STX5: variants seen among roughly 807,000 people sequenced by gnomAD.
STX5 encodes syntaxin 5, also known as syntaxin-5.
In STX5, 15 loss-of-function variants were observed where a neutral mutation model predicts 42.9. That is an observed-to-expected ratio of 0.35 (90% CI 0.23 to 0.54). The LOEUF is 0.54. STX5 is among the 20% of genes least tolerant of loss of function. The pLI is 0.91. For missense variants in STX5, 430 were observed against 455.0 expected (o/e 0.95, Z 0.50); for synonymous variants, 184 against 173.2 (o/e 1.06, Z -0.49).
intron 10 of STX5, among the ~76,000 whole-genome samples, chr11:62,817,550 A>C (rs962411590): frequency 2.0e-5 from 3 of 152,232 alleles, no homozygotes; most frequent in African/African-American, 7.2e-5. Context: ...TAAAATCCTC[A>C]ATTAGTAGAT....
intron 2 of STX5, 107 bp from the exon 3 acceptor site, chr11:62,827,738 CA>C: frequency 8.7e-7 from 1 of 1,143,460 alleles, no homozygotes; most frequent in Non-Finnish European, 1.3e-6. Context: ...TGGTGGCATC[CA>C]TCAGATGATC....
At chr11:62,819,586 C>T (rs1457527101) in intron 10 of STX5, among the ~76,000 whole-genome samples, 1 of 151,898 alleles carries the variant, frequency 6.6e-6, no homozygotes. Flanking sequence ...GGCCCAATCT[C>T]TGCTCACTGC....
At position 62,809,665 on chromosome 11, in the gene STX5, C is replaced by T. The variant is rs573518794; in HGVS notation, c.909-2037G>A. Among the ~76,000 whole-genome samples the T allele has an allele frequency of 5.7e-5, 5 of 87,766 alleles. No individual in the cohort carries two copies. The South Asian group carries it at 2.0e-3, about 36-fold the overall frequency. The allele number at this position is 87,766 out of a possible 152,430, so 57.6% of individuals were successfully genotyped here. On this transcript the variant is annotated intron_variant, in intron 10 of 10. Coordinates refer to ENST00000294179, the MANE Select transcript of STX5 (RefSeq NM_003164.5). ...CTCCAGCCTGGGAAACAGAGCAAGA[C>T]TCTGTCTCAAAAAAAAAAAAAAAAA...
intron 10 of STX5, among the ~76,000 whole-genome samples, chr11:62,812,238 T>C (rs1413341224): frequency 6.8e-6 from 1 of 146,490 alleles, no homozygotes; most frequent in East Asian, 2.1e-4. Flanking sequence ...CCACCATGCC[T>C]GGCTAATTTT....
At chr11:62,819,219 TGAAAAAAA>T (rs1565210961) in intron 10 of STX5, among the ~76,000 whole-genome samples, 1 of 21,720 alleles carries the variant, frequency 4.6e-5, no homozygotes, top group Admixed American at 9.1e-4. Context: ...AGACTCTGTC[TGAAAAAAA>T]AAAAAAAAAA....
At position 62,807,080 on chromosome 11, in the gene STX5, C is replaced by G. The variant is rs1316757248; in HGVS notation, c.*389G>C. ...AAATTGGTCCCTGGGGCTGCTTCCT[C>G]TCTTCACTCACAGGAAGGTGGGTAA... is the stretch of plus-strand genomic sequence containing the variant. On this transcript the variant is annotated 3_prime_UTR_variant, in exon 11 of 11. Coordinates refer to ENST00000294179, the MANE Select transcript of STX5 (RefSeq NM_003164.5). The G allele has an allele frequency of 6.1e-6, 1 of 165,134 alleles. No individual in the cohort carries two copies. Among genetic ancestry groups the G allele is most frequent in the Non-Finnish European group, 1.3e-5 (1 of 74,790 alleles). 10.2% of individuals were successfully genotyped at this position (165,134 alleles called of 1,614,324 possible). A position where few individuals can be genotyped will look rare whatever the true frequency, so the allele number is the denominator to read the frequency against.
At chr11:62,828,746 T>TAA (rs141988478) in intron 2 of STX5, among the ~76,000 whole-genome samples, 1 of 147,166 alleles carries the variant, frequency 6.8e-6, no homozygotes, top group Non-Finnish European at 1.5e-5. Flanking sequence ...AATAAATAAA[T>TAA]AAACAAACAA....
At chr11:62,825,897 G>A (rs1185757668) in intron 5 of STX5, among the ~76,000 whole-genome samples, 3 of 152,104 alleles carry the variant, frequency 2.0e-5, no homozygotes, top group East Asian at 1.9e-4. Flanking sequence ...CAAAGCCCCC[G>A]GACAGTACTC....
intron 10 of STX5, among the ~76,000 whole-genome samples, chr11:62,811,807 C>G (rs748500804): frequency 4.0e-5 from 6 of 151,744 alleles, no homozygotes; most frequent in Non-Finnish European, 8.8e-5. Context: ...CTCTTCTTGC[C>G]CTATCATACT....
At chr11:62,826,591 T>C (rs1447928928) in intron 5 of STX5, among the ~76,000 whole-genome samples, 1 of 143,224 alleles carries the variant, frequency 7.0e-6, no homozygotes, top group Non-Finnish European at 1.5e-5. Flanking sequence ...ATAAATAAAA[T>C]AAAAGTTATT....
At chr11:62,812,007 G>A (rs1211614912) in intron 10 of STX5, among the ~76,000 whole-genome samples, 1 of 150,142 alleles carries the variant, frequency 6.7e-6, no homozygotes, top group African/African-American at 2.4e-5. Context: ...AGACTAGAAT[G>A]TAAAGTTGCC....
chr11:62,825,852 C>G (rs912239529), intron 5 of STX5, among the ~76,000 whole-genome samples: 1 of 152,204 alleles, frequency 6.6e-6, no homozygotes, highest in Non-Finnish European at 1.5e-5. Flanking sequence ...AGAACCCTTT[C>G]AAAGGCCAAA....
intron 2 of STX5, among the ~76,000 whole-genome samples, chr11:62,829,963 G>T (rs2084837540): frequency 6.6e-6 from 1 of 151,054 alleles, no homozygotes; most frequent in South Asian, 2.1e-4. Flanking sequence ...TACTCGAGAG[G>T]CTAAGGCAGG....
chr11:62,825,837 G>A (rs1318734139), intron 5 of STX5, among the ~76,000 whole-genome samples: 3 of 152,130 alleles, frequency 2.0e-5, no homozygotes, highest in African/African-American at 7.2e-5. Context: ...CATGCTCTTG[G>A]CCACAGAACC....
At chr11:62,817,809 T>C (rs1001396879) in intron 10 of STX5, among the ~76,000 whole-genome samples, 1 of 152,124 alleles carries the variant, frequency 6.6e-6, no homozygotes, top group Admixed American at 6.6e-5. Context: ...TAACAGCAGA[T>C]TGACCTGAAA....
At chr11:62,813,684 T>C (rs2084642170) in intron 10 of STX5, among the ~76,000 whole-genome samples, 1 of 152,316 alleles carries the variant, frequency 6.6e-6, no homozygotes, top group South Asian at 2.1e-4. Context: ...TGGACCCTGC[T>C]AAAGGGATAA....
intron 1 of STX5, among the ~76,000 whole-genome samples, chr11:62,831,493 CG>C (rs2084863303): frequency 6.6e-6 from 1 of 152,254 alleles, no homozygotes; most frequent in East Asian, 1.9e-4. Flanking sequence ...GCGGCCAGAG[CG>C]CGGGCCGGGG....
At position 62,807,637 on chromosome 11, in the gene STX5, A is replaced by G. The variant is rs1280994748; in HGVS notation, c.909-9T>C. On this transcript the variant is annotated splice_polypyrimidine_tract_variant and intron_variant, in intron 10 of 10. Transcript: ENST00000294179. ...GCACGTTCTCGTCGATCCTGGGGAC[A>G]AGGCCGGGAGAAGAGGAAACAAAAG... is the stretch of plus-strand genomic sequence containing the variant. The G allele has an allele frequency of 5.6e-6, 9 of 1,613,892 alleles. 1 individual carries two copies. Among genetic ancestry groups the G allele is most frequent in the Non-Finnish European group, 6.8e-6 (8 of 1,179,990 alleles).
intron 10 of STX5, among the ~76,000 whole-genome samples, chr11:62,822,698 AC>A (rs1291697630): frequency 1.0e-5 from 1 of 100,252 alleles, no homozygotes. Flanking sequence ...TTTGGCATTT[AC>A]GACCTTTTTT....
Sources: allele counts gnomAD v4.1 joint callset (sites outside exome capture counted in the v4.1 genomes callset), GRCh38; gene constraint gnomAD v4.1.1; transcripts MANE v1.5; gene names NCBI Gene and HGNC (gene_info 2026-07-23, HGNC 2026-07-21).